CLCC1: variants seen among roughly 807,000 people sequenced by gnomAD.
The protein encoded by CLCC1 is chloride channel CLIC-like protein 1.
A neutral mutation model predicts 63.3 loss-of-function variants in CLCC1; 39 were observed. The ratio of observed to expected loss-of-function variants is 0.62; its 90% CI spans 0.48 to 0.81. The LOEUF is 0.81. CLCC1 is among the 30% of genes least tolerant of loss of function. The pLI, the probability that CLCC1 is intolerant of heterozygous loss-of-function variation, is 0.00. For synonymous variants in CLCC1, 217 were observed against 239.8 expected, an observed-to-expected ratio of 0.90 and a Z score of 0.88; for missense variants, 549 against 669.4, an observed-to-expected ratio of 0.82 and a Z score of 1.98.
In CLCC1 at chr1:108,938,938, TATA is replaced by T. The variant is rs944235546; in HGVS notation, c.1041+695_1041+697del. On this transcript the variant is annotated intron_variant, in intron 10 of 12. Coordinates refer to ENST00000369969, the MANE Select transcript of CLCC1 (RefSeq NM_001377458.1). ...TTGATTATAAAAATATACAAGTAAG[TATA>T]ATATGTCTGTATCATTTAGAGGGGC... Among the ~76,000 whole-genome samples the T allele has an allele frequency of 1.8e-4, 28 of 152,166 alleles. 1 individual carries two copies. The highest frequency in any genetic ancestry group is 7.2e-4 in the Admixed American group (11 of 15,272).
rs1651975715 is a variant in CLCC1, at chr1:108,931,540, G to GGTA, written c.*1006_*1007insTAC. 6.7e-7 allele frequency: 1 copy of GGTA among 1,500,162 alleles called. No individual in the cohort carries two copies. The highest frequency in any genetic ancestry group is 8.9e-7 in the Non-Finnish European group (1 of 1,118,752). The allele number at this position is 1,500,162 out of a possible 1,614,324, so 92.9% of individuals were successfully genotyped here. On this transcript the variant is annotated 3_prime_UTR_variant, in exon 13 of 13. Coordinates refer to ENST00000369969, the MANE Select transcript of CLCC1 (RefSeq NM_001377458.1). ...TATTCTTTCAAAAAGTCATTCAGGT[G>GGTA]ATTTGGATGGGCAAATAGAACTATT...
chr1:108,939,844 A>G (rs1448012885), intron 9 of CLCC1, 62 bp from the exon 10 acceptor site: 1 of 1,523,312 alleles, frequency 6.6e-7, no homozygotes, highest in Non-Finnish European at 8.9e-7. Flanking sequence ...GAATGCATCA[A>G]AATTCATTGA....
chr1:108,949,299 C>T (rs140097560), intron 4 of CLCC1, among the ~76,000 whole-genome samples: 10 of 152,340 alleles, frequency 6.6e-5, no homozygotes, highest in South Asian at 6.2e-4. Context: ...CAGCACATAA[C>T]GACTACATTC....
chr1:108,938,110 G>A (rs548488712), intron 10 of CLCC1, among the ~76,000 whole-genome samples: 1 of 152,134 alleles, frequency 6.6e-6, no homozygotes, highest in Non-Finnish European at 1.5e-5. Context: ...TACAGTACTC[G>A]TATGTTTTAA....
intron 2 of CLCC1, among the ~76,000 whole-genome samples, chr1:108,957,751 G>A (rs768918401): frequency 4.0e-5 from 6 of 151,390 alleles, no homozygotes; most frequent in Admixed American, 6.6e-5. Flanking sequence ...TAAATCTGAA[G>A]TGTCCACTGA....
At chr1:108,935,516 C>T (rs839849) in intron 11 of CLCC1, among the ~76,000 whole-genome samples, 2,108 of 152,186 alleles carry the variant, frequency 0.014, 57 homozygotes, top group African/African-American at 0.047. Context: ...CCTGTAATCC[C>T]ATAACTTTGG....
rs182114883 is a variant in CLCC1, at chr1:108,959,685, T to C, written c.-12+2624A>G. Among the ~76,000 whole-genome samples the C allele has an allele frequency of 5.8e-3, 877 of 152,286 alleles. 4 individuals are homozygous for C. The highest frequency in any genetic ancestry group is 0.01 in the Non-Finnish European group (691 of 68,022). ...ACTATCTGAAGTTTCAGGCATTTACTAGGATCTTAGAATGTATACTCCAAG... is the reference window on the plus strand; with the variant it reads ...ACTATCTGAAGTTTCAGGCATTTACCAGGATCTTAGAATGTATACTCCAAG... On this transcript the variant is annotated intron_variant, in intron 2 of 12. Transcript: ENST00000369969.
intron 4 of CLCC1, among the ~76,000 whole-genome samples, chr1:108,949,275 G>A (rs1409934920): frequency 4.6e-5 from 7 of 152,248 alleles, no homozygotes; most frequent in East Asian, 3.9e-4. Flanking sequence ...GCAGCCAACC[G>A]AGGGTGGCTC....
intron 2 of CLCC1, among the ~76,000 whole-genome samples, chr1:108,960,929 C>A (rs1014399449): frequency 2.0e-5 from 3 of 152,014 alleles, no homozygotes; most frequent in African/African-American, 7.3e-5. Context: ...CTCAAAGGAT[C>A]CCCCTGCCCG....
chr1:108,957,318 G>A (rs1316835175), intron 2 of CLCC1, among the ~76,000 whole-genome samples: 1 of 151,360 alleles, frequency 6.6e-6, no homozygotes, highest in Non-Finnish European at 1.5e-5. Flanking sequence ...CCAACGGATA[G>A]AAGGGATATG....
rs764889204 is a variant in CLCC1 at position 108,939,759 on chromosome 1, T to C, written c.918A>G (p.Thr306=). The change falls in exon 10 of 13, where the codon ACA becomes ACG. Residue 306 remains threonine, a synonymous_variant. Coordinates refer to ENST00000369969, the MANE Select transcript of CLCC1 (RefSeq NM_001377458.1). ...PTKALAVTFT[T]FVTEPLKHIG... Reference sequence around the variant, plus strand: ...TATGCTTCAATGGCTCCGTTACAAATGTGGTGAATGTAACTGCAAGTGCCT... The same window carrying C: ...TATGCTTCAATGGCTCCGTTACAAACGTGGTGAATGTAACTGCAAGTGCCT... 9 of 1,613,956 alleles carry C rather than the reference T, an allele frequency of 5.6e-6. No homozygotes were observed. Among genetic ancestry groups the C allele is most frequent in the South Asian group, 1.1e-5 (1 of 91,040 alleles).
intron 3 of CLCC1, 104 bp from the exon 4 acceptor site, chr1:108,950,025 G>T: frequency 1.3e-6 from 1 of 745,446 alleles, no homozygotes; most frequent in Non-Finnish European, 2.2e-6. Flanking sequence ...TCATGACTCT[G>T]CATGTTATAT....
intron 5 of CLCC1, among the ~76,000 whole-genome samples, chr1:108,944,474 A>G (rs1441165342): frequency 6.6e-6 from 1 of 152,136 alleles, no homozygotes; most frequent in African/African-American, 2.4e-5. Flanking sequence ...GTCTCTAAAA[A>G]AAAAAAATAA....
chr1:108,936,958 G>C (rs1381437447), intron 11 of CLCC1, 119 bp downstream of exon 11: 4 of 570,186 alleles, frequency 7.0e-6, no homozygotes, highest in Non-Finnish European at 1.1e-5. Flanking sequence ...GTGAGTGGCT[G>C]TATCACTCAT....
chr1:108,931,671 A>G lies in CLCC1; in HGVS notation c.*876T>C. ...TCTAAATTACAACCTGGATTACATT[A>G]TGTTTCATGTATACTATAAGGTATG... is the stretch of plus-strand genomic sequence containing the variant. On this transcript the variant is annotated 3_prime_UTR_variant, in exon 13 of 13. Transcript: ENST00000369969. The G allele has an allele frequency of 1.2e-6, 1 of 800,410 alleles. No homozygotes were observed. Among genetic ancestry groups the G allele is most frequent in the South Asian group, 2.2e-5 (1 of 46,350 alleles). 49.6% of individuals were successfully genotyped at this position (800,410 alleles called of 1,614,324 possible).
chr1:108,962,884 A>T (rs551672861), intron 1 of CLCC1, among the ~76,000 whole-genome samples: 89 of 151,852 alleles, frequency 5.9e-4, no homozygotes, highest in African/African-American at 2.1e-3. Context: ...AAAAAAAAAA[A>T]AATCCATTTT....
Position 108,931,608 on chromosome 1 carries a change from A to C in CLCC1, c.*939T>G. The C allele has an allele frequency of 7.8e-7, 1 of 1,286,376 alleles. No individual in the cohort carries two copies. The highest frequency in any genetic ancestry group is 3.3e-5 in the Admixed American group (1 of 30,088). 79.7% of individuals were successfully genotyped at this position (1,286,376 alleles called of 1,614,324 possible). On this transcript the variant is annotated 3_prime_UTR_variant, in exon 13 of 13. Transcript: ENST00000369969. ...TTTTTAAGAGTCATAACCTGGAATTAATTACATTAAGTGCTCAGCTAAAAA... is the reference window on the plus strand; with the variant it reads ...TTTTTAAGAGTCATAACCTGGAATTCATTACATTAAGTGCTCAGCTAAAAA...
intron 2 of CLCC1, among the ~76,000 whole-genome samples, chr1:108,951,766 C>CTT (rs34333498): frequency 0.038 from 5,056 of 132,252 alleles, 179 homozygotes; most frequent in African/African-American, 0.062. Context: ...GAATTGTATA[C>CTT]TTTTTTTTTT....
intron 9 of CLCC1, 47 bp from the exon 10 acceptor site, chr1:108,939,829 G>T (rs747044156): frequency 6.4e-7 from 1 of 1,572,306 alleles, no homozygotes; most frequent in Non-Finnish European, 8.6e-7. Flanking sequence ...CAGGACTAAG[G>T]TACAGAATGC....
Sources: allele counts gnomAD v4.1 joint callset (sites outside exome capture counted in the v4.1 genomes callset), GRCh38; gene constraint gnomAD v4.1.1; transcripts MANE v1.5; gene names NCBI Gene and HGNC (gene_info 2026-07-23, HGNC 2026-07-21).